Variants in GATA2 observed in about 807,000 individuals in gnomAD.
The protein encoded by GATA2 is GATA binding protein 2.
Under a neutral mutation model 35.7 loss-of-function variants are expected in GATA2, and 6 were observed. The ratio of observed to expected loss-of-function variants is 0.17; its 90% CI spans 0.09 to 0.33. GATA2 has a LOEUF of 0.33. Among genes scored for constraint, GATA2 ranks in the 10% least tolerant of loss-of-function variants. The probability of loss-of-function intolerance (pLI) is 1.00; values close to 1 mark genes in which losing one functional copy is unlikely to be tolerated. For synonymous variants in GATA2, 313 were observed against 274.9 expected, an observed-to-expected ratio of 1.14 and a Z score of -1.37; for missense variants, 541 against 656.6, an observed-to-expected ratio of 0.82 and a Z score of 1.92.
chr3:128,487,885 G>C (rs1025549701), intron 1 of GATA2: 1 of 152,366 alleles, frequency 6.6e-6, no homozygotes, highest in Non-Finnish European at 1.5e-5. Flanking sequence ...CCGGCCCCTC[G>C]GCATCCTCCG....
intron 4 of GATA2, among the ~76,000 whole-genome samples, chr3:128,482,417 GT>G: frequency 1.3e-5 from 2 of 152,312 alleles, no homozygotes; most frequent in South Asian, 4.2e-4. Context: ...GCCAGCGCAG[GT>G]TTACAGAGTG....
chr3:128,488,712 G>T lies in GATA2; in HGVS notation c.-45-1636C>A, dbSNP rs375289083. On this transcript the variant is annotated intron_variant, in intron 1 of 5. Coordinates refer to ENST00000341105, the MANE Select transcript of GATA2 (RefSeq NM_032638.5). This position sits in a 1 kb window ranked among gnomAD's most constrained non-coding sequence, Gnocchi z 5.8. ...TGGCATTTTTTTTCCTCCGGGGGGG[G>T]TCCCCGAGGTGGCCTCTGGTGAGGG... Among the ~76,000 whole-genome samples, 1 of 152,066 alleles carries T rather than the reference G, an allele frequency of 6.6e-6. No individual in the cohort carries two copies. Among genetic ancestry groups the T allele is most frequent in the African/African-American group, 2.4e-5 (1 of 41,420 alleles).
At position 128,485,970 on chromosome 3, in the gene GATA2, C is replaced by A. The variant is rs765555593; in HGVS notation, c.628G>T (p.Gly210Cys). 1.2e-6 allele frequency: 2 copies of A among 1,614,084 alleles called. No individual in the cohort carries two copies. Among genetic ancestry groups the A allele is most frequent in the East Asian group, 2.2e-5 (1 of 44,894 alleles). Residue 210 changes from glycine (G) to cysteine (C), a missense_variant, in exon 3 of 6, where the codon GGC becomes TGC. Around this residue, in one of 5 missense-constraint regions of GATA2, gnomAD observed 389 missense variants for 396.9 expected, o/e 0.98. Transcript: ENST00000341105. ...GTCAGTGACACCTGGTACTTGACGCCGTCCTTGTCCTCTCCTCGGGCTGCA... is the reference window on the plus strand; with the variant it reads ...GTCAGTGACACCTGGTACTTGACGCAGTCCTTGTCCTCTCCTCGGGCTGCA... ...GSAARGEDKD[G>C]VKYQVSLTES...
chr3:128,490,897 T>C (rs1424640266), intron 1 of GATA2, among the ~76,000 whole-genome samples: 1 of 152,184 alleles, frequency 6.6e-6, no homozygotes, highest in Non-Finnish European at 1.5e-5. Flanking sequence ...TTCAGTACTT[T>C]GTTCGTTCGG....
At chr3:128,489,646 G>C (rs1300179450) in intron 1 of GATA2, 1 of 152,148 alleles carries the variant, frequency 6.6e-6, no homozygotes, top group African/African-American at 2.4e-5. Flanking sequence ...CCTTGGCGCC[G>C]GGCCTCCGCG....
At chr3:128,483,090 G>A (rs1490714662) in intron 4 of GATA2, among the ~76,000 whole-genome samples, 3 of 152,314 alleles carry the variant, frequency 2.0e-5, no homozygotes, top group Admixed American at 6.5e-5. Context: ...GCCTCACCCC[G>A]CCCTCGCTCC....
Position 128,481,214 on chromosome 3 carries a change from C to G in GATA2, c.1248G>C (p.Glu416Asp), listed in dbSNP as rs1553770425. 1 of 1,614,272 alleles carries G rather than the reference C, an allele frequency of 6.2e-7. No homozygotes were observed. Among genetic ancestry groups the G allele is most frequent in the South Asian group, 1.1e-5 (1 of 91,090 alleles). Reference protein sequence around the residue: ...KSKKGAECFEELSKCMQEKSS... With the variant: ...KSKKGAECFEDLSKCMQEKSS... ...ACTTCTCCTGCATGCACTTTGACAG[C>G]TCCTCGAAGCACTCCGCCCCTTTCT... Residue 416 changes from glutamate to aspartate, a missense_variant, in exon 6 of 6, where the codon GAG becomes GAC. Glu to Asp is a conservative substitution (Grantham distance 45). This residue lies in a region of GATA2 where 95 missense variants were observed against 114.0 expected (regional missense o/e 0.83). Transcript: ENST00000341105.
intron 2 of GATA2, 86 bp from the exon 3 acceptor site, chr3:128,486,454 A>C: frequency 3.3e-6 from 5 of 1,499,458 alleles, no homozygotes; most frequent in Non-Finnish European, 3.6e-6. Context: ...CATTGAGATC[A>C]CGACTCCCAG....
chr3:128,486,409 T>G, intron 2 of GATA2, 41 bp from the exon 3 acceptor site: 2 of 1,580,940 alleles, frequency 1.3e-6, no homozygotes, highest in African/African-American at 2.7e-5. Context: ...GGCAGAAAGA[T>G]CAGGGTAGGC....
chr3:128,486,241 G>A lies in GATA2; in HGVS notation c.357C>T (p.Ser119=). Residue 119 remains serine (S), a synonymous_variant, in exon 3 of 6, where the codon AGC becomes AGT. Coordinates refer to ENST00000341105, the MANE Select transcript of GATA2 (RefSeq NM_032638.5). ...AAHHHNPWTV[S]PFSKTPLHPS... is the part of the protein sequence containing the mutation. ...GGTGCAGTGGCGTCTTGGAGAAGGG[G>A]CTCACGGTCCAGGGGTTGTGGTGGT... The A allele has an allele frequency of 6.4e-7, 1 of 1,564,010 alleles. No individual in the cohort carries two copies. The highest frequency in any genetic ancestry group is 8.7e-7 in the Non-Finnish European group (1 of 1,154,312).
At position 128,479,644 on chromosome 3, in the gene GATA2, C is replaced by T. The variant is rs1576742773; in HGVS notation, c.*1375G>A. ...CTAGTACAAAATAAGTTACTTCTGG[C>T]CGTGGTGCTCCCTGCAGCGACTGCC... On this transcript the variant is annotated 3_prime_UTR_variant, in exon 6 of 6. Coordinates refer to ENST00000341105, the MANE Select transcript of GATA2 (RefSeq NM_032638.5). The T allele has an allele frequency of 8.6e-6, 2 of 233,496 alleles. No individual in the cohort carries two copies. The highest frequency in any genetic ancestry group is 1.7e-5 in the Non-Finnish European group (2 of 117,986). The allele number at this position is 233,496 out of a possible 1,614,324, so 14.5% of individuals were successfully genotyped here.
chr3:128,485,513 G>A (rs1317615), intron 3 of GATA2, among the ~76,000 whole-genome samples: 3,799 of 152,254 alleles, frequency 0.025, 51 homozygotes, highest in Middle Eastern at 0.031. Context: ...AACTTTGGGG[G>A]TACACTGGAA....
Position 128,481,119 on chromosome 3 carries a change from T to C in GATA2, c.1343A>G (p.His448Arg). 1 of 1,613,728 alleles carries C rather than the reference T, an allele frequency of 6.2e-7. No homozygotes were observed. Among genetic ancestry groups the C allele is most frequent in the Non-Finnish European group, 8.5e-7 (1 of 1,179,920 alleles). ...CGGAGTGGGCAGGATGTGTCCGGAG[T>C]GGCTGAAGGGCGGGAGGTGGCCCAC... ...APVGHLPPFSHSGHILPTPTP... is the reference protein window; with the variant it reads ...APVGHLPPFSRSGHILPTPTP... Residue 448 changes from histidine (H) to arginine (R), a missense_variant, in exon 6 of 6, where the codon CAC becomes CGC. Coordinates refer to ENST00000341105, the MANE Select transcript of GATA2 (RefSeq NM_032638.5).
intron 1 of GATA2, among the ~76,000 whole-genome samples, chr3:128,491,221 T>A (rs58531099): frequency 3.3e-5 from 2 of 60,744 alleles, no homozygotes; most frequent in African/African-American, 1.4e-4. Flanking sequence ...CCCCCCCCCC[T>A]CTGAGCCCTT....
At chr3:128,492,606 G>A (rs1016983980) in intron 1 of GATA2, among the ~76,000 whole-genome samples, 1 of 152,220 alleles carries the variant, frequency 6.6e-6, no homozygotes, top group African/African-American at 2.4e-5. Context: ...CAGTTCGGGG[G>A]CCGGGAGGCG....
At position 128,480,137 on chromosome 3, in the gene GATA2, A is replaced by T. The variant is rs45463895; in HGVS notation, c.*882T>A. The T allele has an allele frequency of 0.051, 11,970 of 233,262 alleles. 382 individuals carry two copies. The highest frequency in any genetic ancestry group is 0.085 in the Admixed American group (1,511 of 17,798). The allele number at this position is 233,262 out of a possible 1,614,324, so 14.4% of individuals were successfully genotyped here. A position where few individuals can be genotyped will look rare whatever the true frequency, so the allele number is the denominator to read the frequency against. On this transcript the variant is annotated 3_prime_UTR_variant, in exon 6 of 6. Coordinates refer to ENST00000341105, the MANE Select transcript of GATA2 (RefSeq NM_032638.5). ...AGTTTAAAAATAAAACAATTAACTC[A>T]TCAGCGAGTTAAGCCTATGCATTTT...
rs1012879699 is a variant in GATA2 at position 128,488,446 on chromosome 3, G to C, written c.-45-1370C>G. The C allele has an allele frequency of 6.5e-6, 1 of 152,952 alleles. No homozygotes were observed. The highest frequency in any genetic ancestry group is 1.5e-5 in the Non-Finnish European group (1 of 68,668). 9.5% of individuals were successfully genotyped at this position (152,952 alleles called of 1,614,324 possible). A position where few individuals can be genotyped will look rare whatever the true frequency, so the allele number is the denominator to read the frequency against. ...GCGGCGGAACAGCAGGAGCCGAGAG[G>C]GGCAGAGAGGGGCAGGAACTACAGG... On this transcript the variant is annotated intron_variant, in intron 1 of 5. Coordinates refer to ENST00000341105, the MANE Select transcript of GATA2 (RefSeq NM_032638.5). The surrounding 1 kb of genome is among the most constrained non-coding windows in gnomAD (Gnocchi z 5.8).
chr3:128,480,878 C>G lies in GATA2; in HGVS notation c.*141G>C, dbSNP rs982229776. 1 of 933,320 alleles carries G rather than the reference C, an allele frequency of 1.1e-6. No homozygotes were observed. Among genetic ancestry groups the G allele is most frequent in the Non-Finnish European group, 1.6e-6 (1 of 633,534 alleles). The allele number at this position is 933,320 out of a possible 1,614,324, so 57.8% of individuals were successfully genotyped here. On this transcript the variant is annotated 3_prime_UTR_variant, in exon 6 of 6. Transcript: ENST00000341105. ...AACATTCACAGTAACTGCTGGCAGG[C>G]TGCTGGGCGCCCTCCAGGAGAGGGG...
intron 1 of GATA2, 73 bp from the exon 2 acceptor site, chr3:128,487,149 C>T (rs1576750221): frequency 1.2e-6 from 1 of 804,858 alleles, no homozygotes; most frequent in Non-Finnish European, 1.9e-6. Context: ...CGAGGTGTCC[C>T]GCACGCCACG....
Sources: allele counts gnomAD v4.1 joint callset (sites outside exome capture counted in the v4.1 genomes callset), GRCh38; gene constraint gnomAD v4.1.1; regional missense constraint gnomAD v4.1.1; non-coding constraint Gnocchi (gnomAD v3.1); transcripts MANE v1.5; gene names NCBI Gene and HGNC (gene_info 2026-07-23, HGNC 2026-07-21).